Variants in ABI3BP observed in about 807,000 individuals in gnomAD.
ABI3BP encodes the protein ABI family member 3 binding protein, also known as target of Nesh-SH3.
In ABI3BP, 216 loss-of-function variants were observed where a neutral mutation model predicts 268.6. The observed-to-expected ratio is 0.80, with a 90% CI of 0.72 to 0.90. The LOEUF (loss-of-function observed/expected upper bound fraction) is 0.90, where lower values mean the gene tolerates loss of function less well. Among genes scored for constraint, ABI3BP ranks in the 40% least tolerant of loss-of-function variants. ABI3BP has a pLI of 0.00. For missense variants in ABI3BP, 2,090 were observed against 2,182.4 expected (o/e 0.96, Z 0.84); for synonymous variants, 730 against 730.0 (o/e 1.00, Z 0.00).
At chr3:100,770,435 T>A (rs2096509138) in intron 62 of ABI3BP, among the ~76,000 whole-genome samples, 1 of 152,210 alleles carries the variant, frequency 6.6e-6, no homozygotes, top group African/African-American at 2.4e-5. Context: ...ATCAGCAATG[T>A]AATTTTCTGG....
chr3:100,981,254 AT>A (rs2089278552), intron 1 of ABI3BP, among the ~76,000 whole-genome samples: 1 of 151,686 alleles, frequency 6.6e-6, no homozygotes. Flanking sequence ...AAAAAAAAAA[AT>A]AAAGTGTGCA....
rs984615376 is a variant in ABI3BP, at chr3:100,825,827, C to T, written c.2620G>A (p.Glu874Lys). Residue 874 changes from glutamate to lysine, a missense_variant, in exon 35 of 68, where the codon GAG becomes AAG. Transcript: ENST00000471714. ...GTTFVPVTDL[E>K]PVTFRTEIPA... ...ATCTCAGTTCTAAAAGTAACAGGCT[C>T]GAGGTCTGTAACAGGAACTGAAGTA... The T allele has an allele frequency of 1.6e-5, 24 of 1,535,064 alleles. No homozygotes were observed. Among genetic ancestry groups the T allele is most frequent in the Non-Finnish European group, 1.8e-5 (21 of 1,146,236 alleles).
intron 30 of ABI3BP, 95 bp from the exon 31 acceptor site, chr3:100,832,445 G>A (rs2152818603): frequency 8.6e-7 from 1 of 1,167,528 alleles, no homozygotes; most frequent in East Asian, 2.6e-5. Context: ...ACTTGTTAGA[G>A]TTTGAGTTGA....
At chr3:100,967,615 A>G (rs1562148071) in intron 1 of ABI3BP, among the ~76,000 whole-genome samples, 1 of 152,148 alleles carries the variant, frequency 6.6e-6, no homozygotes, top group Non-Finnish European at 1.5e-5. Context: ...ACTTGTGAAT[A>G]TGCAATAAAA....
intron 1 of ABI3BP, among the ~76,000 whole-genome samples, chr3:100,978,192 C>A (rs1414842142): frequency 1.3e-5 from 2 of 152,168 alleles, no homozygotes; most frequent in African/African-American, 4.8e-5. Flanking sequence ...CAGCTGGCTG[C>A]CAAGTGCAAG....
At chr3:100,926,784 C>G (rs2061927522) in intron 1 of ABI3BP, among the ~76,000 whole-genome samples, 1 of 152,092 alleles carries the variant, frequency 6.6e-6, no homozygotes, top group South Asian at 2.1e-4. Context: ...TACACACTGT[C>G]TGGGTATGGT....
chr3:100,755,311 A>G (rs1474816659), intron 63 of ABI3BP, among the ~76,000 whole-genome samples: 1 of 152,206 alleles, frequency 6.6e-6, no homozygotes, highest in African/African-American at 2.4e-5. Context: ...AGACTAAGCT[A>G]TAGTTAGTCT....
At chr3:100,761,693 A>C (rs374653307) in intron 63 of ABI3BP, among the ~76,000 whole-genome samples, 27 of 152,268 alleles carry the variant, frequency 1.8e-4, no homozygotes, top group East Asian at 7.7e-4. Flanking sequence ...TTAGGGTGTG[A>C]GCATTCAGAA....
rs145772103 is a variant in ABI3BP at position 100,967,814 on chromosome 3, A to C, written c.79+25492T>G. Among the ~76,000 whole-genome samples the C allele has an allele frequency of 2.5e-3, 387 of 152,316 alleles. 1 individual carries two copies. The highest frequency in any genetic ancestry group is 8.9e-3 in the African/African-American group (369 of 41,570). On this transcript the variant is annotated intron_variant, in intron 1 of 67. Transcript: ENST00000471714. ...AGGTACAATTTTAATCTGCAAATAG[A>C]CAATAGTTTTCAGATCAGCCTCATC...
rs1469689104 is a variant in ABI3BP at position 100,862,293 on chromosome 3, A to G, written c.1285+18T>C. The stretch of plus-strand genomic sequence containing the variant: ...TTCCTTGTTATAATCGATTTTTTTA[A>G]GAAAAGGATTTAATTACCAGTTTGA... On this transcript the variant is annotated intron_variant, in intron 14 of 67. Coordinates refer to ENST00000471714, the MANE Select transcript of ABI3BP (RefSeq NM_001375547.2). 6.5e-7 allele frequency: 1 copy of G among 1,547,508 alleles called. No individual in the cohort carries two copies. The highest frequency in any genetic ancestry group is 1.4e-5 in the African/African-American group (1 of 72,494).
At chr3:100,840,609 T>G (rs530447215) in intron 22 of ABI3BP, among the ~76,000 whole-genome samples, 1 of 152,346 alleles carries the variant, frequency 6.6e-6, no homozygotes, top group Non-Finnish European at 1.5e-5. Flanking sequence ...TTAAATTCAC[T>G]AATTATGTCA....
chr3:100,776,668 A>G (rs1028190585), intron 59 of ABI3BP, among the ~76,000 whole-genome samples: 1 of 152,314 alleles, frequency 6.6e-6, no homozygotes, highest in Middle Eastern at 3.4e-3. Flanking sequence ...TTGGCTCCTC[A>G]GTGCAGCCAT....
At chr3:100,876,268 C>A (rs1169622932) in intron 7 of ABI3BP, among the ~76,000 whole-genome samples, 3 of 152,242 alleles carry the variant, frequency 2.0e-5, no homozygotes, top group Admixed American at 2.0e-4. Context: ...AAATTTAATA[C>A]TTGTGATGGT....
intron 61 of ABI3BP, among the ~76,000 whole-genome samples, chr3:100,773,832 T>C (rs2096625338): frequency 6.6e-6 from 1 of 152,150 alleles, no homozygotes. Flanking sequence ...AAAAGAAGCC[T>C]GACAACAAAA....
At chr3:100,926,795 G>A (rs1310001358) in intron 1 of ABI3BP, among the ~76,000 whole-genome samples, 2 of 152,122 alleles carry the variant, frequency 1.3e-5, no homozygotes, top group African/African-American at 4.8e-5. Context: ...TGGGTATGGT[G>A]AAAGGACCTG....
intron 62 of ABI3BP, 147 bp from the exon 63 acceptor site, chr3:100,766,096 C>T (rs1211838501): frequency 3.3e-6 from 2 of 597,960 alleles, no homozygotes; most frequent in Non-Finnish European, 5.9e-6. Context: ...TACACATTGG[C>T]AATTTCCATA....
intron 58 of ABI3BP, chr3:100,778,644 CTGT>C (rs2096780686): frequency 5.8e-6 from 2 of 347,512 alleles, no homozygotes; most frequent in Non-Finnish European, 1.0e-5. Flanking sequence ...CCCTTCATAT[CTGT>C]GGGTTCCCCA....
In ABI3BP at chr3:100,993,385, G is replaced by A. The variant is rs1292691978; in HGVS notation, c.-1C>T. On this transcript the variant is annotated 5_prime_UTR_variant, in exon 1 of 68. Transcript: ENST00000471714. The stretch of plus-strand genomic sequence containing the variant: ...GTAGACACCCCAAACTGGAGAGCAT[G>A]TTGCATTTGCCACCTCGCATGGGGA... 2 of 1,552,570 alleles carry A rather than the reference G, an allele frequency of 1.3e-6. No individual in the cohort carries two copies. The highest frequency in any genetic ancestry group is 1.7e-6 in the Non-Finnish European group (2 of 1,147,334).
chr3:100,960,490 C>A (rs1172304308), intron 1 of ABI3BP, among the ~76,000 whole-genome samples: 2 of 152,116 alleles, frequency 1.3e-5, no homozygotes, highest in Admixed American at 6.5e-5. Flanking sequence ...AAGACAAAAA[C>A]TGGAAGATGA....
Sources: allele counts gnomAD v4.1 joint callset (sites outside exome capture counted in the v4.1 genomes callset), GRCh38; gene constraint gnomAD v4.1.1; transcripts MANE v1.5; gene names NCBI Gene and HGNC (gene_info 2026-07-23, HGNC 2026-07-21).